PDE7A: variants seen among roughly 807,000 people sequenced by gnomAD.
PDE7A encodes the protein high affinity 3',5'-cyclic-AMP phosphodiesterase 7A.
PDE7A carries 39 observed loss-of-function variants against 64.3 expected under a neutral mutation model. That is an observed-to-expected ratio of 0.61 (90% CI 0.47 to 0.79). The LOEUF (loss-of-function observed/expected upper bound fraction) is 0.79, where lower values mean the gene tolerates loss of function less well. Ranked by LOEUF, PDE7A falls within the 30% of genes least tolerant of loss-of-function variation. The probability of loss-of-function intolerance (pLI) is 0.00; values close to 1 mark genes in which losing one functional copy is unlikely to be tolerated. For missense variants in PDE7A, 470 were observed against 582.8 expected (o/e 0.81, Z 1.99); for synonymous variants, 203 against 206.8 (o/e 0.98, Z 0.16).
chr8:65,806,396 T>A (rs1810113028), intron 1 of PDE7A, among the ~76,000 whole-genome samples: 1 of 152,206 alleles, frequency 6.6e-6, no homozygotes, highest in South Asian at 2.1e-4. Flanking sequence ...GTATAGAGTT[T>A]ATTTTTGAGG....
At chr8:65,789,055 A>G in intron 1 of PDE7A, 1 of 1,470,112 alleles carries the variant, frequency 6.8e-7, no homozygotes, top group Non-Finnish European at 9.1e-7. Context: ...GGGGACACTG[A>G]CTGCCTTGGA....
At chr8:65,751,117 T>C (rs1276659602) in intron 3 of PDE7A, among the ~76,000 whole-genome samples, 2 of 152,330 alleles carry the variant, frequency 1.3e-5, no homozygotes, top group African/African-American at 2.4e-5. Context: ...AAAAGTGTTT[T>C]CTTCACCTAC....
intron 1 of PDE7A, among the ~76,000 whole-genome samples, chr8:65,814,746 A>C (rs553706449): frequency 2.2e-4 from 34 of 151,988 alleles, no homozygotes; most frequent in African/African-American, 8.0e-4. Context: ...GCTCATGCCT[A>C]TAATCCCAGC....
intron 3 of PDE7A, among the ~76,000 whole-genome samples, chr8:65,751,386 C>T (rs894972630): frequency 6.6e-6 from 1 of 152,000 alleles, no homozygotes; most frequent in South Asian, 2.1e-4. Flanking sequence ...ATGATTCAAC[C>T]CTCTATGTGT....
At chr8:65,790,937 GCCTGGGCC>G (rs1041169389) in intron 1 of PDE7A, among the ~76,000 whole-genome samples, 1 of 152,178 alleles carries the variant, frequency 6.6e-6, no homozygotes, top group Non-Finnish European at 1.5e-5. Flanking sequence ...AGGCTGTGCA[GCCTGGGCC>G]CCTGGCTTCG....
chr8:65,807,899 T>TA (rs1384556205), intron 1 of PDE7A, among the ~76,000 whole-genome samples: 1 of 152,210 alleles, frequency 6.6e-6, no homozygotes. Context: ...CTGGAGCCAC[T>TA]AAACCCTGGG....
chr8:65,772,554 T>C (rs943455438), intron 3 of PDE7A, among the ~76,000 whole-genome samples: 11 of 152,112 alleles, frequency 7.2e-5, no homozygotes, highest in Non-Finnish European at 1.3e-4. Context: ...TGCCTCCAGG[T>C]AAATAAACTA....
At chr8:65,724,944 A>G in intron 9 of PDE7A, 23 bp from the exon 10 acceptor site, 1 of 1,516,856 alleles carries the variant, frequency 6.6e-7, no homozygotes. Context: ...AAATATAAAG[A>G]GAAAATATAA....
At chr8:65,719,536 A>C in intron 12 of PDE7A, 41 bp from the exon 13 acceptor site, 1 of 1,277,852 alleles carries the variant, frequency 7.8e-7, no homozygotes, top group Non-Finnish European at 1.1e-6. Context: ...ATATATGCTG[A>C]AACTCTATCT....
At chr8:65,733,443 G>C (rs1806987866) in intron 7 of PDE7A, among the ~76,000 whole-genome samples, 1 of 152,142 alleles carries the variant, frequency 6.6e-6, no homozygotes, top group Non-Finnish European at 1.5e-5. Flanking sequence ...TCTTGGCCCA[G>C]AGATTTTTTT....
intron 5 of PDE7A, among the ~76,000 whole-genome samples, chr8:65,740,123 G>A (rs1286110632): frequency 1.5e-5 from 2 of 136,856 alleles, no homozygotes; most frequent in Admixed American, 7.5e-5. Flanking sequence ...TCTGAACTCA[G>A]CCACTTGCTT....
At chr8:65,726,802 A>G in intron 9 of PDE7A, 73 bp downstream of exon 9, 1 of 787,128 alleles carries the variant, frequency 1.3e-6, no homozygotes, top group Non-Finnish European at 2.2e-6. Flanking sequence ...AATTTTTAAA[A>G]CTTTATAAAA....
At chr8:65,772,006 A>T (rs1809109441) in intron 3 of PDE7A, among the ~76,000 whole-genome samples, 1 of 152,272 alleles carries the variant, frequency 6.6e-6, no homozygotes, top group South Asian at 2.1e-4. Context: ...TGACTGGTTC[A>T]AGGAGAATAA....
At chr8:65,786,614 C>T (rs1015623516) in intron 1 of PDE7A, among the ~76,000 whole-genome samples, 9 of 152,106 alleles carry the variant, frequency 5.9e-5, no homozygotes, top group African/African-American at 2.2e-4. Flanking sequence ...TAAAGATTAT[C>T]ATTTTAAAAA....
At chr8:65,770,121 CTGTGTGTGTGTGTGTGTGTGTG>C (rs10608556) in intron 3 of PDE7A, among the ~76,000 whole-genome samples, 18 of 146,452 alleles carry the variant, frequency 1.2e-4, no homozygotes, top group East Asian at 5.9e-4. Flanking sequence ...CAGTATACTT[CTGTGTGTGTGTGTGTGTGTGTG>C]TGTGTGTGTG....
At position 65,718,564 on chromosome 8, in the gene PDE7A, A is replaced by C. The variant is rs1426479566; in HGVS notation, c.*726T>G. The stretch of plus-strand genomic sequence containing the variant: ...CTTCCCCTCCCACCCCAAATTAAAA[A>C]CTAATTGCTAAAAAAAATTGCATTG... On this transcript the variant is annotated 3_prime_UTR_variant, in exon 13 of 13. Coordinates refer to ENST00000401827, the MANE Select transcript of PDE7A (RefSeq NM_001242318.3). The C allele has an allele frequency of 6.6e-6, 1 of 152,416 alleles. No individual in the cohort carries two copies. 9.4% of individuals were successfully genotyped at this position (152,416 alleles called of 1,614,324 possible).
chr8:65,828,150 T>A (rs925297857), intron 1 of PDE7A, among the ~76,000 whole-genome samples: 3 of 148,846 alleles, frequency 2.0e-5, no homozygotes, highest in Non-Finnish European at 4.5e-5. Context: ...TTTCATTGTT[T>A]AAAAAAAAAA....
At chr8:65,739,744 A>C in intron 5 of PDE7A, 147 bp from the exon 6 acceptor site, 1 of 884,708 alleles carries the variant, frequency 1.1e-6, no homozygotes, top group Admixed American at 4.6e-5. Context: ...TCTTCTTACC[A>C]GTTATGAACT....
intron 3 of PDE7A, among the ~76,000 whole-genome samples, chr8:65,768,558 C>T (rs554050693): frequency 6.6e-5 from 10 of 152,296 alleles, no homozygotes; most frequent in African/African-American, 2.4e-4. Context: ...TCTAATAAAC[C>T]TCTTTCTTTT....
Sources: allele counts gnomAD v4.1 joint callset (sites outside exome capture counted in the v4.1 genomes callset), GRCh38; gene constraint gnomAD v4.1.1; transcripts MANE v1.5; gene names NCBI Gene and HGNC (gene_info 2026-07-23, HGNC 2026-07-21).